MKLN1: variants seen among roughly 807,000 people sequenced by gnomAD.
The protein encoded by MKLN1 is muskelin 1.
MKLN1 carries 18 observed loss-of-function variants against 99.0 expected under a neutral mutation model. That is an observed-to-expected ratio of 0.18 (90% CI 0.13 to 0.27). MKLN1 has a LOEUF of 0.27. Ranked by LOEUF, MKLN1 falls within the 10% of genes least tolerant of loss-of-function variation. MKLN1 has a pLI of 1.00. For missense variants in MKLN1, 621 were observed against 875.9 expected, an observed-to-expected ratio of 0.71 and a Z score of 3.67; for synonymous variants, 288 against 293.2, an observed-to-expected ratio of 0.98 and a Z score of 0.18.
chr7:131,189,521 T>C (rs1282968214), intron 2 of MKLN1, among the ~76,000 whole-genome samples: 1 of 97,948 alleles, frequency 1.0e-5, no homozygotes, highest in Non-Finnish European at 2.0e-5. Context: ...AAGTTTTTTA[T>C]ATTAAAAAAC....
intron 3 of MKLN1, among the ~76,000 whole-genome samples, chr7:131,297,304 T>G (rs1798305137): frequency 6.6e-6 from 1 of 152,018 alleles, no homozygotes; most frequent in South Asian, 2.1e-4. Flanking sequence ...GAAGTTGCAG[T>G]GAGCCGAGAT....
chr7:131,283,361 C>A (rs1423623161), intron 3 of MKLN1, among the ~76,000 whole-genome samples: 2 of 96,572 alleles, frequency 2.1e-5, no homozygotes, highest in Non-Finnish European at 3.9e-5. Flanking sequence ...TCCTTCCTTC[C>A]TTCCTTCCTT....
intron 17 of MKLN1, among the ~76,000 whole-genome samples, chr7:131,480,736 T>A (rs1170958565): frequency 1.3e-5 from 2 of 152,250 alleles, no homozygotes; most frequent in African/African-American, 4.8e-5. Flanking sequence ...TTCTGAATTC[T>A]AGCATTTGAA....
intron 2 of MKLN1, among the ~76,000 whole-genome samples, chr7:131,378,894 T>C (rs944493907): frequency 6.6e-6 from 1 of 151,770 alleles, no homozygotes; most frequent in Non-Finnish European, 1.5e-5. Context: ...TTTTTTTTTT[T>C]TTTTTGGAAG....
intron 16 of MKLN1, chr7:131,478,399 G>A (rs1184320448): frequency 9.8e-6 from 4 of 409,442 alleles, no homozygotes; most frequent in Non-Finnish European, 4.3e-6. Context: ...TCCAGGACAT[G>A]GCCCAGTATT....
chr7:131,300,009 G>C (rs2116617229), intron 3 of MKLN1, among the ~76,000 whole-genome samples: 1 of 152,198 alleles, frequency 6.6e-6, no homozygotes, highest in East Asian at 1.9e-4. Context: ...AAGCGCTGCT[G>C]GTGAGTATTC....
intron 1 of MKLN1, among the ~76,000 whole-genome samples, chr7:131,368,529 CCTT>C (rs747748481): frequency 3.9e-5 from 6 of 152,130 alleles, no homozygotes; most frequent in Non-Finnish European, 8.8e-5. Flanking sequence ...GAAGCAAACA[CCTT>C]CTTCTCATGG....
chr7:131,268,631 C>T (rs770419548), intron 3 of MKLN1, among the ~76,000 whole-genome samples: 1 of 152,124 alleles, frequency 6.6e-6, no homozygotes, highest in Non-Finnish European at 1.5e-5. Context: ...CACAGGAGGA[C>T]TGTTATGGGC....
chr7:131,316,365 G>A (rs1057327377), intron 3 of MKLN1, among the ~76,000 whole-genome samples: 1 of 152,166 alleles, frequency 6.6e-6, no homozygotes, highest in Non-Finnish European at 1.5e-5. Flanking sequence ...AGAGGGGCCT[G>A]ACTGTTAGAA....
intron 2 of MKLN1, among the ~76,000 whole-genome samples, chr7:131,174,998 G>GATAT (rs879317617): frequency 3.3e-5 from 5 of 151,268 alleles, no homozygotes; most frequent in Non-Finnish European, 1.5e-5. Context: ...TAGATAGATA[G>GATAT]ATAGATAGAT....
At chr7:131,304,210 C>T (rs1040728222) in intron 3 of MKLN1, among the ~76,000 whole-genome samples, 2 of 151,946 alleles carry the variant, frequency 1.3e-5, no homozygotes, top group African/African-American at 4.8e-5. Flanking sequence ...CCTGACTCTA[C>T]AAAAAAATAA....
At chr7:131,248,273 G>A (rs945186738) in intron 3 of MKLN1, among the ~76,000 whole-genome samples, 4 of 150,996 alleles carry the variant, frequency 2.6e-5, no homozygotes, top group South Asian at 2.1e-4. Context: ...ACAGTGTCTT[G>A]CCTCTAATTG....
At chr7:131,271,906 T>C (rs1797891362) in intron 3 of MKLN1, among the ~76,000 whole-genome samples, 1 of 99,842 alleles carries the variant, frequency 1.0e-5, no homozygotes, top group Non-Finnish European at 2.3e-5. Context: ...CGAAACTCTG[T>C]CTCAAAAAAA....
chr7:131,158,050 TC>T (rs1795994583), intron 2 of MKLN1, among the ~76,000 whole-genome samples: 1 of 152,248 alleles, frequency 6.6e-6, no homozygotes, highest in Non-Finnish European at 1.5e-5. Context: ...CGCAAGCTCT[TC>T]TGTTTACTGT....
chr7:131,325,900 T>TG (rs67878395), upstream of MKLN1, among the ~76,000 whole-genome samples: 2,760 of 76,956 alleles, frequency 0.036, 52 homozygotes, highest in African/African-American at 0.06. Flanking sequence ...AGGAGAAAAG[T>TG]GGGGGGGGGG....
intron 2 of MKLN1, among the ~76,000 whole-genome samples, chr7:131,151,766 TATC>T (rs1795891552): frequency 6.6e-6 from 1 of 152,282 alleles, no homozygotes; most frequent in South Asian, 2.1e-4. Context: ...CACTCAGAGA[TATC>T]ATCATTAAAA....
At chr7:131,307,340 C>T (rs1429109474) in intron 3 of MKLN1, among the ~76,000 whole-genome samples, 4 of 152,108 alleles carry the variant, frequency 2.6e-5, no homozygotes, top group Non-Finnish European at 5.9e-5. Flanking sequence ...ATGTGGAATG[C>T]GAGCTCCCAC....
Position 131,250,216 on chromosome 7 carries a change from G to C in MKLN1, c.-179+47242G>C, listed in dbSNP as rs78176340. 6.4e-3 allele frequency among the ~76,000 whole-genome samples: 970 copies of C among 152,262 alleles called. 8 individuals carry two copies. The highest frequency in any genetic ancestry group is 9.3e-3 in the Non-Finnish European group (636 of 68,024). On this transcript the variant is annotated intron_variant, in intron 3 of 7. Transcript: ENST00000416992. ...AGAGGGGCTTCAGCTTTGGTGGCTG[G>C]GGGGAGATGATGGGAGGAGAAGGCT...
chr7:131,113,273 C>T (rs1217367116), intron 1 of MKLN1, among the ~76,000 whole-genome samples: 1 of 152,022 alleles, frequency 6.6e-6, no homozygotes, highest in Non-Finnish European at 1.5e-5. Flanking sequence ...ATATTCCAAG[C>T]AAAGAAAGTA....
Sources: allele counts gnomAD v4.1 joint callset (sites outside exome capture counted in the v4.1 genomes callset), GRCh38; gene constraint gnomAD v4.1.1; transcripts MANE v1.5; gene names NCBI Gene and HGNC (gene_info 2026-07-23, HGNC 2026-07-21).